Variants in RSF1 observed in about 807,000 individuals in gnomAD.
RSF1 encodes HBV pX-associated protein 8.
RSF1 carries 13 observed loss-of-function variants against 145.2 expected under a neutral mutation model. The ratio of observed to expected loss-of-function variants is 0.09; its 90% CI spans 0.06 to 0.14. The LOEUF (loss-of-function observed/expected upper bound fraction) is 0.14, where lower values mean the gene tolerates loss of function less well. Among genes scored for constraint, RSF1 ranks in the 10% least tolerant of loss-of-function variants. RSF1 has a pLI of 1.00. For missense variants in RSF1, 1,517 were observed against 1,718.2 expected (o/e 0.88, Z 2.07); for synonymous variants, 577 against 592.6 (o/e 0.97, Z 0.38).
In RSF1 at chr11:77,700,980, G is replaced by T. The variant is rs753497749; in HGVS notation, c.2249C>A (p.Pro750His). The change falls in exon 6 of 16, where the codon CCC (proline) becomes CAC (histidine). Residue 750 changes from proline to histidine, a missense_variant. Coordinates refer to ENST00000308488, the MANE Select transcript of RSF1 (RefSeq NM_016578.4). ...SSRKKKPDSP[P>H]KVLEPENKQE... Reference sequence around the variant, plus strand: ...CTTGTTTTCTGGTTCTAGAACTTTGGGGGGAGAATCGGGCTTCTTTTTCCG... The same window carrying T: ...CTTGTTTTCTGGTTCTAGAACTTTGTGGGGAGAATCGGGCTTCTTTTTCCG... 2.9e-5 allele frequency: 46 copies of T among 1,613,436 alleles called. No individual in the cohort carries two copies. The Admixed American group carries it at 3.0e-4, about 11-fold the overall frequency.
intron 4 of RSF1, among the ~76,000 whole-genome samples, chr11:77,735,657 C>A (rs1961331023): frequency 6.6e-6 from 1 of 152,082 alleles, no homozygotes; most frequent in African/African-American, 2.4e-5. Context: ...CTAAGAAAAG[C>A]ACCTAAATGC....
Position 77,661,877 on chromosome 11 carries a change from T to C in RSF1, c.*5040A>G, listed in dbSNP as rs1277410890. 2 of 152,054 alleles carry C rather than the reference T, an allele frequency of 1.3e-5. No homozygotes were observed. The highest frequency in any genetic ancestry group is 4.8e-5 in the African/African-American group (2 of 41,432). The allele number at this position is 152,054 out of a possible 1,614,324, so 9.4% of individuals were successfully genotyped here. ...TTCATGAGCATGACGTGCAAGCTGC[T>C]GGTCTATGACCAGAACTCAATAAAT... On this transcript the variant is annotated 3_prime_UTR_variant, in exon 16 of 16. Coordinates refer to ENST00000308488, the MANE Select transcript of RSF1 (RefSeq NM_016578.4).
chr11:77,789,826 A>G (rs751728663), intron 1 of RSF1, among the ~76,000 whole-genome samples: 1 of 152,206 alleles, frequency 6.6e-6, no homozygotes, highest in Non-Finnish European at 1.5e-5. Flanking sequence ...CACATTCTGG[A>G]AACAGGGGAC....
At chr11:77,742,719 G>C (rs575481324) in intron 3 of RSF1, among the ~76,000 whole-genome samples, 1 of 152,156 alleles carries the variant, frequency 6.6e-6, no homozygotes, top group African/African-American at 2.4e-5. Flanking sequence ...GTGATATTGA[G>C]CATTTATTCA....
At chr11:77,779,899 T>C (rs1439493105) in intron 1 of RSF1, among the ~76,000 whole-genome samples, 3 of 152,232 alleles carry the variant, frequency 2.0e-5, no homozygotes, top group African/African-American at 4.8e-5. Flanking sequence ...TACCATGCTA[T>C]TTCTAGCCTC....
intron 1 of RSF1, among the ~76,000 whole-genome samples, chr11:77,789,635 C>T (rs990735955): frequency 2.6e-5 from 4 of 152,188 alleles, no homozygotes; most frequent in African/African-American, 9.7e-5. Flanking sequence ...AAGGCAGCTC[C>T]ACCCTCCACA....
chr11:77,689,210 A>G (rs907593821), intron 9 of RSF1, among the ~76,000 whole-genome samples: 2 of 152,226 alleles, frequency 1.3e-5, no homozygotes, highest in Non-Finnish European at 2.9e-5. Flanking sequence ...CAGGCCTTAC[A>G]GACTCTCAGG....
Position 77,750,863 on chromosome 11 carries a change from A to T in RSF1, c.280-3735T>A, listed in dbSNP as rs529062293. On this transcript the variant is annotated intron_variant, in intron 2 of 15. Coordinates refer to ENST00000308488, the MANE Select transcript of RSF1 (RefSeq NM_016578.4). Reference sequence around the variant, plus strand: ...CTTGTTCTTTGTTTGATTATCTATAAATCTAGCTGATAGGTCAGGTCCTAT... The same window carrying T: ...CTTGTTCTTTGTTTGATTATCTATATATCTAGCTGATAGGTCAGGTCCTAT... 2.0e-5 allele frequency among the ~76,000 whole-genome samples: 3 copies of T among 152,268 alleles called. No individual in the cohort carries two copies. The South Asian group carries it at 6.2e-4, about 32-fold the overall frequency.
At chr11:77,698,810 A>G in intron 6 of RSF1, 117 bp from the exon 7 acceptor site, 1 of 787,250 alleles carries the variant, frequency 1.3e-6, no homozygotes, top group East Asian at 2.6e-5. Context: ...AAAGAGGAGA[A>G]AATTATTATA....
At chr11:77,838,263 G>A in the RSF1 span, among the ~76,000 whole-genome samples, 17 of 152,098 alleles carry the variant, frequency 1.1e-4, no homozygotes, top group African/African-American at 4.1e-4. Flanking sequence ...GTTATAGTAC[G>A]GTTATTTAAT....
intron 1 of RSF1, among the ~76,000 whole-genome samples, chr11:77,780,548 G>A (rs77731627): frequency 0.02 from 3,091 of 152,116 alleles, 96 homozygotes; most frequent in African/African-American, 0.07. Context: ...ACTATGGGCC[G>A]GGTGCTGTGG....
chr11:77,747,709 TCTGAATAACCA>T (rs1344342852), intron 2 of RSF1, among the ~76,000 whole-genome samples: 1 of 152,152 alleles, frequency 6.6e-6, no homozygotes, highest in Non-Finnish European at 1.5e-5. Context: ...AGAAAGAAGA[TCTGAATAACCA>T]CTGCATTTCA....
At chr11:77,823,987 A>T (rs1461961226), upstream of RSF1, among the ~76,000 whole-genome samples, 2 of 152,082 alleles carry the variant, frequency 1.3e-5, no homozygotes, top group African/African-American at 4.8e-5. Flanking sequence ...AAACAGACTG[A>T]TAAATAAAGG....
chr11:77,715,671 C>T (rs758003973), intron 5 of RSF1, among the ~76,000 whole-genome samples: 17 of 152,244 alleles, frequency 1.1e-4, no homozygotes, highest in Non-Finnish European at 1.5e-5. Flanking sequence ...TGGTCTTAAA[C>T]TCCTGACTTC....
the RSF1 span, among the ~76,000 whole-genome samples, chr11:77,834,197 T>C: frequency 6.6e-6 from 1 of 152,142 alleles, no homozygotes; most frequent in African/African-American, 2.4e-5. Context: ...GTAAATTACA[T>C]ATCAACAAAT....
chr11:77,781,736 A>T (rs1336394735), intron 1 of RSF1, among the ~76,000 whole-genome samples: 1 of 152,132 alleles, frequency 6.6e-6, no homozygotes, highest in African/African-American at 2.4e-5. Flanking sequence ...ATTCCGAATG[A>T]TTTTGTCTAG....
chr11:77,714,031 T>C (rs1019025124), intron 5 of RSF1, among the ~76,000 whole-genome samples: 7 of 152,256 alleles, frequency 4.6e-5, no homozygotes, highest in African/African-American at 1.7e-4. Context: ...TTCATAACTT[T>C]AGAGCTCCCG....
intron 1 of RSF1, among the ~76,000 whole-genome samples, chr11:77,784,102 G>C (rs7104540): frequency 0.14 from 21,949 of 151,950 alleles, 1,789 homozygotes; most frequent in Admixed American, 0.2. Context: ...CAATATTCTT[G>C]GCTCCATCCT....
intron 6 of RSF1, among the ~76,000 whole-genome samples, chr11:77,699,852 T>C (rs1205659136): frequency 6.6e-6 from 1 of 152,116 alleles, no homozygotes; most frequent in African/African-American, 2.4e-5. Flanking sequence ...TAAATGTCAA[T>C]CAGTAAGTGA....
Sources: allele counts gnomAD v4.1 joint callset (sites outside exome capture counted in the v4.1 genomes callset), GRCh38; gene constraint gnomAD v4.1.1; transcripts MANE v1.5; gene names NCBI Gene and HGNC (gene_info 2026-07-23, HGNC 2026-07-21).